The following ANKRD30B variants were observed in gnomAD, a reference collection of about 807,000 sequenced individuals.
ANKRD30B encodes the protein ankyrin repeat domain 30B.
Under a neutral mutation model 202.2 loss-of-function variants are expected in ANKRD30B, and 144 were observed. That is an observed-to-expected ratio of 0.71 (90% CI 0.62 to 0.82). ANKRD30B has a LOEUF of 0.82. Among genes scored for constraint, ANKRD30B ranks in the 40% least tolerant of loss-of-function variants. The pLI is 0.00. For missense variants in ANKRD30B, 1,487 were observed against 1,669.1 expected (o/e 0.89, Z 1.90); for synonymous variants, 508 against 561.3 (o/e 0.91, Z 1.34).
intron 16 of ANKRD30B, among the ~76,000 whole-genome samples, chr18:14,795,363 A>G (rs1301837440): frequency 6.6e-6 from 1 of 152,104 alleles, no homozygotes; most frequent in African/African-American, 2.4e-5. Context: ...TACCTGGATG[A>G]TTTTTGTATT....
intron 26 of ANKRD30B, among the ~76,000 whole-genome samples, chr18:14,809,651 C>G (rs572634441): frequency 6.6e-6 from 1 of 150,932 alleles, no homozygotes; most frequent in Non-Finnish European, 1.5e-5. Flanking sequence ...CCTGACTGCA[C>G]GTCCATTCAC....
At chr18:14,826,693 T>TCTCTCACA (rs762792279) in intron 32 of ANKRD30B, among the ~76,000 whole-genome samples, 1,357 of 124,976 alleles carry the variant, frequency 0.011, 32 homozygotes, top group African/African-American at 0.037. Context: ...TCTCTCTCTC[T>TCTCTCACA]CACACACACA....
intron 9 of ANKRD30B, among the ~76,000 whole-genome samples, chr18:14,773,270 G>A (rs1967129537): frequency 6.6e-6 from 1 of 152,074 alleles, no homozygotes; most frequent in Non-Finnish European, 1.5e-5. Flanking sequence ...TAATCATTTT[G>A]GAGCTCTTGC....
intron 16 of ANKRD30B, 78 bp from the exon 17 acceptor site, chr18:14,796,143 A>G (rs1451750493): frequency 6.5e-6 from 9 of 1,390,030 alleles, no homozygotes; most frequent in South Asian, 1.2e-5. Context: ...ATTCATCTTC[A>G]TATTCACATT....
chr18:14,817,328 C>A (rs1405965779), intron 30 of ANKRD30B, among the ~76,000 whole-genome samples: 1 of 152,118 alleles, frequency 6.6e-6, no homozygotes, highest in Admixed American at 6.5e-5. Context: ...GCCATGTGAC[C>A]TGTCCTGACT....
chr18:14,782,963 G>A (rs1967851396), intron 12 of ANKRD30B, among the ~76,000 whole-genome samples: 1 of 151,968 alleles, frequency 6.6e-6, no homozygotes, highest in African/African-American at 2.4e-5. Context: ...TAATGGAGGT[G>A]GCAAAATAAA....
the ANKRD30B span, among the ~76,000 whole-genome samples, chr18:14,909,039 G>A: frequency 8.5e-5 from 13 of 152,292 alleles, no homozygotes; most frequent in South Asian, 2.7e-3. Context: ...TCTGAGTGCA[G>A]AGCCAGCCTT....
the ANKRD30B span, among the ~76,000 whole-genome samples, chr18:14,918,947 A>T: frequency 1.8e-4 from 28 of 152,208 alleles, no homozygotes; most frequent in Admixed American, 1.8e-3. Flanking sequence ...TAGTTCACTG[A>T]CTTGCCATTC....
rs1439079986 is a variant in ANKRD30B, at chr18:14,814,621, A to G, written c.2551A>G (p.Ser851Gly). The G allele has an allele frequency of 2.5e-6, 3 of 1,213,790 alleles. No individual in the cohort carries two copies. Among genetic ancestry groups the G allele is most frequent in the Non-Finnish European group, 3.5e-6 (3 of 862,298 alleles). The allele number at this position is 1,213,790 out of a possible 1,614,324, so 75.2% of individuals were successfully genotyped here. Residue 851 changes from serine to glycine, a missense_variant and splice_region_variant, in exon 30 of 44, where the codon AGT becomes GGT. By Grantham distance (56) the Ser-to-Gly change is moderately conservative. Around this residue, in one of 6 missense-constraint regions of ANKRD30B, gnomAD observed 218 missense variants for 320.1 expected, o/e 0.68. Coordinates refer to ENST00000690538, the MANE Select transcript of ANKRD30B (RefSeq NM_001367607.2). ...TATTTATTGATATTACTTTTAACAGAGTTTCCTTGAGGCTCTCTTACAGAA... is the reference window on the plus strand; with the variant it reads ...TATTTATTGATATTACTTTTAACAGGGTTTCCTTGAGGCTCTCTTACAGAA... ...DDEENSWDFE[S>G]FLEALLQNDG...
the ANKRD30B span, among the ~76,000 whole-genome samples, chr18:14,882,842 T>A: frequency 6.6e-6 from 1 of 152,182 alleles, no homozygotes; most frequent in Admixed American, 6.5e-5. Context: ...GGATGAGACC[T>A]TTACCATTAT....
At chr18:14,817,687 C>A (rs1481022446) in intron 30 of ANKRD30B, among the ~76,000 whole-genome samples, 2 of 152,128 alleles carry the variant, frequency 1.3e-5, no homozygotes, top group African/African-American at 4.8e-5. Context: ...TGAGGATGTA[C>A]ATTTATCATA....
chr18:14,892,327 A>G, the ANKRD30B span, among the ~76,000 whole-genome samples: 2 of 152,246 alleles, frequency 1.3e-5, no homozygotes, highest in African/African-American at 4.8e-5. Flanking sequence ...TAATTATGAT[A>G]GGCAGACATC....
chr18:14,760,663 G>A, intron 6 of ANKRD30B, 45 bp downstream of exon 6: 3 of 1,349,670 alleles, frequency 2.2e-6, no homozygotes, highest in South Asian at 2.7e-5. Context: ...GCTACCATAA[G>A]ATTAGGGAAG....
chr18:14,854,889 C>T (rs1972034816), downstream of ANKRD30B, among the ~76,000 whole-genome samples: 1 of 148,830 alleles, frequency 6.7e-6, no homozygotes, highest in East Asian at 2.0e-4. Context: ...ACGCTCTACC[C>T]TTGGGGTGAT....
the ANKRD30B span, among the ~76,000 whole-genome samples, chr18:14,937,354 G>C: frequency 6.6e-6 from 1 of 152,212 alleles, no homozygotes; most frequent in African/African-American, 2.4e-5. Flanking sequence ...AGGAGAACAG[G>C]GAGTTAGAGT....
At chr18:14,909,337 A>C in the ANKRD30B span, among the ~76,000 whole-genome samples, 2 of 152,166 alleles carry the variant, frequency 1.3e-5, no homozygotes, top group African/African-American at 4.8e-5. Flanking sequence ...TTTGTCGGAC[A>C]CTTGCAGCAT....
At chr18:14,819,075 C>A (rs1568044613) in intron 30 of ANKRD30B, among the ~76,000 whole-genome samples, 1 of 152,086 alleles carries the variant, frequency 6.6e-6, no homozygotes, top group Non-Finnish European at 1.5e-5. Context: ...GAGATGGTAT[C>A]TCATAGTGGT....
chr18:14,752,438 G>A (rs570851735), intron 1 of ANKRD30B, 128 bp from the exon 2 acceptor site: 1 of 658,532 alleles, frequency 1.5e-6, no homozygotes, highest in East Asian at 2.9e-5. Flanking sequence ...CTTTCTTCAG[G>A]AGAATATTAA....
the ANKRD30B span, among the ~76,000 whole-genome samples, chr18:14,899,313 A>T: frequency 6.6e-6 from 1 of 152,136 alleles, no homozygotes; most frequent in Non-Finnish European, 1.5e-5. Flanking sequence ...AATAAATTTT[A>T]AAATGACCTC....
Sources: allele counts gnomAD v4.1 joint callset (sites outside exome capture counted in the v4.1 genomes callset), GRCh38; gene constraint gnomAD v4.1.1; regional missense constraint gnomAD v4.1.1; transcripts MANE v1.5; gene names NCBI Gene and HGNC (gene_info 2026-07-23, HGNC 2026-07-21).